The following HCN1 variants were observed in gnomAD, a reference collection of about 807,000 sequenced individuals.
The protein encoded by HCN1 is hyperpolarization activated cyclic nucleotide gated potassium channel 1, also known as potassium/sodium hyperpolarization-activated cyclic nucleotide-gated channel 1.
HCN1 carries 13 observed loss-of-function variants against 78.9 expected under a neutral mutation model. The observed-to-expected ratio is 0.16, with a 90% CI of 0.11 to 0.26. HCN1 has a LOEUF of 0.26. Ranked by LOEUF, HCN1 falls within the 10% of genes least tolerant of loss-of-function variation. HCN1 has a pLI of 1.00. For synonymous variants in HCN1, 552 were observed against 455.5 expected (o/e 1.21, Z -2.70); for missense variants, 810 against 1,154.3 (o/e 0.70, Z 4.32).
At chr5:45,336,694 A>C (rs1746463541) in intron 5 of HCN1, among the ~76,000 whole-genome samples, 1 of 152,066 alleles carries the variant, frequency 6.6e-6, no homozygotes, top group African/African-American at 2.4e-5. Flanking sequence ...TTATGAATAA[A>C]AAAAAATTAT....
chr5:45,537,456 T>C (rs140567969), intron 2 of HCN1, among the ~76,000 whole-genome samples: 4 of 151,106 alleles, frequency 2.6e-5, no homozygotes, highest in African/African-American at 9.7e-5. Flanking sequence ...TGTTAGATAT[T>C]GATTCTCCTG....
At chr5:45,372,774 G>A (rs1043476313) in intron 4 of HCN1, among the ~76,000 whole-genome samples, 1 of 137,870 alleles carries the variant, frequency 7.3e-6, no homozygotes, top group Non-Finnish European at 1.5e-5. Context: ...AAATATATAC[G>A]TATTCTATAC....
At position 45,354,761 on chromosome 5, in the gene HCN1, T is replaced by A. The variant is rs547217170; in HGVS notation, c.1231-1515A>T. ...TTTAAAGCCTGAAGGCCTATGTACA[T>A]CTCTCTGAAGTAACTTGCTTGCTCA... On this transcript the variant is annotated intron_variant, in intron 4 of 7. Transcript: ENST00000303230. Among the ~76,000 whole-genome samples the A allele has an allele frequency of 4.6e-5, 7 of 152,116 alleles. No individual in the cohort carries two copies. The South Asian group carries it at 1.2e-3, about 27-fold the overall frequency.
intron 2 of HCN1, among the ~76,000 whole-genome samples, chr5:45,481,656 T>C (rs1172949424): frequency 6.6e-6 from 1 of 152,154 alleles, no homozygotes; most frequent in East Asian, 1.9e-4. Context: ...CTAGAGTGAA[T>C]AGTGAGATGA....
chr5:45,357,736 A>G (rs1387086208), intron 4 of HCN1, among the ~76,000 whole-genome samples: 1 of 151,976 alleles, frequency 6.6e-6, no homozygotes, highest in African/African-American at 2.4e-5. Flanking sequence ...AGCAGACTGT[A>G]ATGATTTGTG....
chr5:45,606,352 C>CA (rs1468257061), intron 2 of HCN1, among the ~76,000 whole-genome samples: 2 of 149,088 alleles, frequency 1.3e-5, no homozygotes, highest in Admixed American at 1.3e-4. Context: ...TGATGTAAAA[C>CA]AAAAAAAGAA....
At chr5:45,460,456 T>C (rs1273161825) in intron 3 of HCN1, among the ~76,000 whole-genome samples, 1 of 152,086 alleles carries the variant, frequency 6.6e-6, no homozygotes, top group Non-Finnish European at 1.5e-5. Context: ...TATTCTATTA[T>C]AGCAGCACAA....
chr5:45,271,397 C>G (rs1319608735), intron 6 of HCN1, among the ~76,000 whole-genome samples: 4 of 150,874 alleles, frequency 2.7e-5, no homozygotes, highest in Admixed American at 6.6e-5. Flanking sequence ...CACACACACA[C>G]ACACAGACAC....
At chr5:45,418,778 A>G (rs1740167464) in intron 3 of HCN1, among the ~76,000 whole-genome samples, 1 of 152,150 alleles carries the variant, frequency 6.6e-6, no homozygotes, top group Non-Finnish European at 1.5e-5. Flanking sequence ...TTTTGAGCAG[A>G]AAATATAAAT....
At chr5:45,535,424 C>A (rs569361897) in intron 2 of HCN1, among the ~76,000 whole-genome samples, 1 of 152,132 alleles carries the variant, frequency 6.6e-6, no homozygotes, top group South Asian at 2.1e-4. Context: ...ATGGTGAAAC[C>A]CCGTCTTTAC....
At chr5:45,492,537 T>TAA in intron 2 of HCN1, among the ~76,000 whole-genome samples, 1 of 146,904 alleles carries the variant, frequency 6.8e-6, no homozygotes, top group South Asian at 2.1e-4. Flanking sequence ...TTTTTTTTTT[T>TAA]GAGACAAGAG....
intron 2 of HCN1, among the ~76,000 whole-genome samples, chr5:45,565,446 A>G (rs1302271114): frequency 1.3e-5 from 2 of 152,160 alleles, no homozygotes; most frequent in Non-Finnish European, 2.9e-5. Context: ...ATTTTAATGG[A>G]AAAGGCTGTG....
chr5:45,408,367 T>G (rs1739966020), intron 3 of HCN1, among the ~76,000 whole-genome samples: 1 of 152,112 alleles, frequency 6.6e-6, no homozygotes, highest in Non-Finnish European at 1.5e-5. Flanking sequence ...CCCTTTTATT[T>G]TTTATACTGT....
intron 2 of HCN1, among the ~76,000 whole-genome samples, chr5:45,595,922 C>G (rs1229235392): frequency 6.6e-6 from 1 of 151,400 alleles, no homozygotes; most frequent in East Asian, 1.9e-4. Context: ...CGGAGTCTCG[C>G]TCTGTCACCC....
Position 45,451,639 on chromosome 5 carries a change from A to G in HCN1, c.1011+10207T>C, listed in dbSNP as rs1579903793. 9.2e-5 allele frequency among the ~76,000 whole-genome samples: 14 copies of G among 152,202 alleles called. 1 individual carries two copies. The South Asian group carries it at 2.9e-3, about 32-fold the overall frequency. Reference sequence around the variant, plus strand: ...AAATGATACCTTTTTCTATTATATTATAATTTCATTGAACTCAGTAAAAAT... The same window carrying G: ...AAATGATACCTTTTTCTATTATATTGTAATTTCATTGAACTCAGTAAAAAT... On this transcript the variant is annotated intron_variant, in intron 3 of 7. Coordinates refer to ENST00000303230, the MANE Select transcript of HCN1 (RefSeq NM_021072.4).
At chr5:45,505,284 T>A (rs1445916473) in intron 2 of HCN1, among the ~76,000 whole-genome samples, 1 of 152,126 alleles carries the variant, frequency 6.6e-6, no homozygotes, top group Non-Finnish European at 1.5e-5. Flanking sequence ...TTGTATAAGG[T>A]GTAAGAAAGG....
chr5:45,428,663 C>A (rs1481384389), intron 3 of HCN1, among the ~76,000 whole-genome samples: 12 of 151,916 alleles, frequency 7.9e-5, no homozygotes, highest in African/African-American at 2.9e-4. Flanking sequence ...GATTTAATAT[C>A]TTTCATTTAT....
At chr5:45,293,538 T>C (rs966237524) in intron 6 of HCN1, among the ~76,000 whole-genome samples, 8 of 151,988 alleles carry the variant, frequency 5.3e-5, no homozygotes, top group Non-Finnish European at 7.4e-5. Flanking sequence ...AATGTGGTCC[T>C]TTGTGAACTA....
At chr5:45,539,060 T>A (rs982798046) in intron 2 of HCN1, among the ~76,000 whole-genome samples, 1 of 152,210 alleles carries the variant, frequency 6.6e-6, no homozygotes, top group Non-Finnish European at 1.5e-5. Flanking sequence ...AAAGCGTAGG[T>A]TCAATACTTT....
Sources: gnomAD v4.1 joint callset for allele counts (sites outside exome capture counted in the v4.1 genomes callset) on GRCh38, gnomAD v4.1.1 for gene constraint, MANE v1.5 for transcripts, NCBI Gene and HGNC (gene_info 2026-07-23, HGNC 2026-07-21) for gene names.